LRRC7: variants seen among roughly 807,000 people sequenced by gnomAD.
The protein encoded by LRRC7 is leucine-rich repeat-containing protein 7.
A neutral mutation model predicts 175.7 loss-of-function variants in LRRC7; 23 were observed. The observed-to-expected ratio is 0.13, with a 90% CI of 0.09 to 0.19. LRRC7 has a LOEUF of 0.19. LRRC7 is among the 10% of genes least tolerant of loss of function. The pLI, the probability that LRRC7 is intolerant of heterozygous loss-of-function variation, is 1.00. For synonymous variants in LRRC7, 685 were observed against 680.9 expected, an observed-to-expected ratio of 1.01 and a Z score of -0.09; for missense variants, 1,354 against 1,904.7, an observed-to-expected ratio of 0.71 and a Z score of 5.38.
chr1:69,911,122 A>G (rs944752596), intron 7 of LRRC7, among the ~76,000 whole-genome samples: 1 of 152,200 alleles, frequency 6.6e-6, no homozygotes, highest in Non-Finnish European at 1.5e-5. Context: ...TGACTAGGAA[A>G]GGGAACTCCC....
At chr1:69,898,880 C>T (rs529232932) in intron 7 of LRRC7, among the ~76,000 whole-genome samples, 1 of 152,318 alleles carries the variant, frequency 6.6e-6, no homozygotes, top group East Asian at 1.9e-4. Flanking sequence ...ACCAAATATA[C>T]TTAGTTAACA....
intron 1 of LRRC7, among the ~76,000 whole-genome samples, chr1:69,621,357 T>G (rs2100319264): frequency 6.6e-6 from 1 of 152,286 alleles, no homozygotes; most frequent in Non-Finnish European, 1.5e-5. Context: ...CTTGTATTTC[T>G]TTATAGAGAA....
At chr1:69,642,512 CAG>C (rs1316946496) in intron 1 of LRRC7, among the ~76,000 whole-genome samples, 1 of 151,992 alleles carries the variant, frequency 6.6e-6, no homozygotes, top group Non-Finnish European at 1.5e-5. Context: ...GCAGACAAGA[CAG>C]AATCTGTTCA....
intron 21 of LRRC7, among the ~76,000 whole-genome samples, chr1:70,041,188 A>G (rs1659865953): frequency 6.6e-6 from 1 of 152,198 alleles, no homozygotes; most frequent in Non-Finnish European, 1.5e-5. Flanking sequence ...GTGTCCTGCT[A>G]AAAGCACAGG....
chr1:70,099,685 A>G (rs554774790), intron 25 of LRRC7, among the ~76,000 whole-genome samples: 10 of 152,306 alleles, frequency 6.6e-5, no homozygotes, highest in African/African-American at 2.4e-4. Flanking sequence ...GATTATCAAT[A>G]CTATTTTAAG....
At chr1:69,676,496 G>T (rs1659789320) in intron 1 of LRRC7, among the ~76,000 whole-genome samples, 1 of 152,026 alleles carries the variant, frequency 6.6e-6, no homozygotes, top group Admixed American at 6.6e-5. Flanking sequence ...TGTTATAGAA[G>T]TTAGTAAAGT....
intron 2 of LRRC7, among the ~76,000 whole-genome samples, chr1:69,739,603 G>T (rs1668490146): frequency 6.6e-6 from 1 of 152,004 alleles, no homozygotes; most frequent in Non-Finnish European, 1.5e-5. Flanking sequence ...AGGCCTTTGT[G>T]TTCATTTTTT....
At chr1:70,021,212 C>A in intron 16 of LRRC7, 83 bp downstream of exon 16, 1 of 1,381,698 alleles carries the variant, frequency 7.2e-7, no homozygotes, top group Non-Finnish European at 1.0e-6. Context: ...GATTTTGGGA[C>A]AAAGTCAGAT....
chr1:69,588,567 T>G (rs1396428405), intron 1 of LRRC7, among the ~76,000 whole-genome samples: 1 of 152,156 alleles, frequency 6.6e-6, no homozygotes, highest in Non-Finnish European at 1.5e-5. Context: ...AAAACCTAAA[T>G]ATGGATTCTA....
chr1:70,033,440 C>T (rs1407258738), intron 18 of LRRC7, among the ~76,000 whole-genome samples: 2 of 152,090 alleles, frequency 1.3e-5, no homozygotes, highest in Admixed American at 6.5e-5. Context: ...TCATCATTGT[C>T]GTCATTATCA....
intron 7 of LRRC7, among the ~76,000 whole-genome samples, chr1:69,868,708 A>G (rs1394108750): frequency 6.6e-6 from 1 of 152,112 alleles, no homozygotes; most frequent in Non-Finnish European, 1.5e-5. Flanking sequence ...CTGCCATAAC[A>G]AAGTGCCACA....
At chr1:70,067,240 T>A (rs189506519) in intron 23 of LRRC7, among the ~76,000 whole-genome samples, 6 of 151,974 alleles carry the variant, frequency 3.9e-5, no homozygotes, top group African/African-American at 1.4e-4. Flanking sequence ...GTAGCTTGAC[T>A]TTTTTTTCAT....
In LRRC7 at chr1:70,028,344, G is replaced by A. The variant is rs780486664; in HGVS notation, c.1968G>A (p.Pro656=). ...AAGAAAAATATGAACACAAGTGGCC[G>A]GTAGCCCCAAAGGAGATTACAGTGG... ...TVKEKYEHKW[P]VAPKEITVED... The change falls in exon 18 of 27, where the codon CCG becomes CCA. Residue 656 remains proline (P), a synonymous_variant. Coordinates refer to ENST00000651989, the MANE Select transcript of LRRC7 (RefSeq NM_001370785.2). The A allele has an allele frequency of 5.0e-6, 8 of 1,613,250 alleles. No homozygotes were observed. In the East Asian group the frequency reaches 8.9e-5, roughly 18 times the overall value.
chr1:69,871,537 G>A (rs948399374), intron 7 of LRRC7, among the ~76,000 whole-genome samples: 2 of 151,834 alleles, frequency 1.3e-5, no homozygotes, highest in Non-Finnish European at 2.9e-5. Context: ...AAATATAGTC[G>A]AGTATTTAAA....
At chr1:69,828,168 T>G (rs1214363796) in intron 5 of LRRC7, among the ~76,000 whole-genome samples, 2 of 152,198 alleles carry the variant, frequency 1.3e-5, no homozygotes, top group Non-Finnish European at 2.9e-5. Flanking sequence ...TTTGTTTATC[T>G]GTACCTCAGT....
rs147155272 is a variant in LRRC7 at position 69,717,961 on chromosome 1, AAAAG to A, written c.100+39493_100+39496del. On this transcript the variant is annotated intron_variant, in intron 2 of 26. Coordinates refer to ENST00000651989, the MANE Select transcript of LRRC7 (RefSeq NM_001370785.2). The stretch of plus-strand genomic sequence containing the variant: ...GAAAGAAAGAAAGAAAGAAAGAAGA[AAAAG>A]AAAGAAAGAGAAAGAAAGAGGAGGG... Among the ~76,000 whole-genome samples the A allele has an allele frequency of 4.1e-3, 215 of 52,984 alleles. 17 individuals carry two copies. Among genetic ancestry groups the A allele is most frequent in the African/African-American group, 0.023 (142 of 6,112 alleles). 34.8% of individuals were successfully genotyped at this position (52,984 alleles called of 152,430 possible).
intron 7 of LRRC7, among the ~76,000 whole-genome samples, chr1:69,867,778 A>G (rs1685101541): frequency 6.6e-6 from 1 of 152,184 alleles, no homozygotes; most frequent in Non-Finnish European, 1.5e-5. Context: ...GTTAACTTGG[A>G]AGACTTGGTG....
chr1:69,956,079 G>T (rs531012897), intron 8 of LRRC7, among the ~76,000 whole-genome samples: 2 of 152,022 alleles, frequency 1.3e-5, no homozygotes, highest in African/African-American at 4.8e-5. Context: ...AGCAGTTGTG[G>T]AATGTGGAAA....
At chr1:69,704,132 A>C (rs1472951644) in intron 2 of LRRC7, among the ~76,000 whole-genome samples, 1 of 149,190 alleles carries the variant, frequency 6.7e-6, no homozygotes, top group Non-Finnish European at 1.5e-5. Context: ...TAGTTATATA[A>C]GTTTTGTGAT....
Sources: allele counts gnomAD v4.1 joint callset (sites outside exome capture counted in the v4.1 genomes callset), GRCh38; gene constraint gnomAD v4.1.1; transcripts MANE v1.5; gene names NCBI Gene and HGNC (gene_info 2026-07-23, HGNC 2026-07-21).